SVIL: variants seen among roughly 807,000 people sequenced by gnomAD.
SVIL encodes the protein supervillin, also known as archvillin.
Under a neutral mutation model 240.4 loss-of-function variants are expected in SVIL, and 101 were observed. That is an observed-to-expected ratio of 0.42 (90% confidence interval 0.36 to 0.50). The LOEUF (loss-of-function observed/expected upper bound fraction) is 0.50, where lower values mean the gene tolerates loss of function less well. Ranked by LOEUF, SVIL falls within the 20% of genes least tolerant of loss-of-function variation. The pLI, the probability that SVIL is intolerant of heterozygous loss-of-function variation, is 0.01. For missense variants in SVIL, 2,512 were observed against 2,818.7 expected, an observed-to-expected ratio of 0.89 and a Z score of 2.46; for synonymous variants, 999 against 1,100.0, an observed-to-expected ratio of 0.91 and a Z score of 1.82.
intron 2 of SVIL, among the ~76,000 whole-genome samples, chr10:29,680,538 T>C (rs1960555208): frequency 6.6e-6 from 1 of 152,216 alleles, no homozygotes; most frequent in Non-Finnish European, 1.5e-5. Flanking sequence ...ATCTTGCACT[T>C]TAGCCTCAGG....
Position 29,471,144 on chromosome 10 carries a change from C to A in SVIL, c.5629G>T (p.Val1877Leu). The change falls in exon 31 of 38, where the codon GTG becomes TTG. Residue 1877 changes from valine to leucine, a missense_variant. By Grantham distance (32) the Val-to-Leu change is conservative. Around this residue, in one of 3 missense-constraint regions of SVIL, gnomAD observed 797 missense variants for 925.3 expected, o/e 0.86. Transcript: ENST00000355867. ...AGCAGTAAAAGTGACTTACTTTGCA[C>A]ATTTTCTTCTTCCTCTTCCCGCCTC... ...SGRREEEEEN[V>L]QSEWRLYCVR... The A allele has an allele frequency of 6.2e-7, 1 of 1,613,262 alleles. No individual in the cohort carries two copies. Among genetic ancestry groups the A allele is most frequent in the Non-Finnish European group, 8.5e-7 (1 of 1,179,678 alleles).
chr10:29,607,006 C>T (rs2368367), intron 1 of SVIL, among the ~76,000 whole-genome samples: 64,891 of 152,004 alleles, frequency 0.43, 14,759 homozygotes, highest in East Asian at 0.68. Flanking sequence ...CCATCCACTT[C>T]GACCTCCCAA....
At position 29,515,231 on chromosome 10, in the gene SVIL, G is replaced by A. The variant is rs529540066; in HGVS notation, c.3390-2370C>T. 5.3e-5 allele frequency among the ~76,000 whole-genome samples: 8 copies of A among 152,218 alleles called. No homozygotes were observed. The East Asian group carries it at 5.8e-4, about 11-fold the overall frequency. ...TTTAGTCCTAACTCCTGTAATTCTC[G>A]AATGTTTAACAACACCCTGCATGCT... On this transcript the variant is annotated intron_variant, in intron 16 of 37. Transcript: ENST00000355867.
intron 3 of SVIL, among the ~76,000 whole-genome samples, chr10:29,652,092 A>T (rs1366824796): frequency 6.6e-6 from 1 of 152,184 alleles, no homozygotes; most frequent in Non-Finnish European, 1.5e-5. Flanking sequence ...TGTAAAATGT[A>T]TCATTCAATG....
At chr10:29,599,237 T>A (rs945289137) in intron 1 of SVIL, among the ~76,000 whole-genome samples, 7 of 152,194 alleles carry the variant, frequency 4.6e-5, no homozygotes, top group Non-Finnish European at 7.3e-5. Flanking sequence ...AACCTCAGCC[T>A]GACACGCAGG....
At chr10:29,463,723 C>G (rs1022145299) in intron 34 of SVIL, 88 bp from the exon 35 acceptor site, 13 of 1,531,806 alleles carry the variant, frequency 8.5e-6, no homozygotes, top group Non-Finnish European at 1.1e-5. Context: ...TGGATGTTGT[C>G]CCTCTTGACT....
chr10:29,549,550 C>A (rs1244169680), intron 6 of SVIL, among the ~76,000 whole-genome samples: 1 of 146,342 alleles, frequency 6.8e-6, no homozygotes, highest in Admixed American at 6.9e-5. Context: ...ATAAATCATT[C>A]TGCTATAAAG....
intron 29 of SVIL, among the ~76,000 whole-genome samples, chr10:29,474,594 CAAATAAATAAATAAATAAATAAAT>C (rs59193522): frequency 1.6e-4 from 23 of 140,130 alleles, no homozygotes; most frequent in South Asian, 4.9e-4. Context: ...GACTCTCTTA[CAAATAAATAAATAAATAAATAAAT>C]AAATAAATAA....
At chr10:29,509,330 G>GGAGAGAGGGAGAGAGAGAGAGAGAGAGA (rs1949622494) in intron 17 of SVIL, among the ~76,000 whole-genome samples, 1 of 66,880 alleles carries the variant, frequency 1.5e-5, no homozygotes, top group Non-Finnish European at 3.1e-5. Flanking sequence ...GGAGGGGGAG[G>GGAGAGAGGGAGAGAGAGAGAGAGAGAGA]GAGAGAGAGA....
At chr10:29,594,738 G>A (rs2132815174) in intron 1 of SVIL, among the ~76,000 whole-genome samples, 1 of 152,108 alleles carries the variant, frequency 6.6e-6, no homozygotes, top group Admixed American at 6.5e-5. Flanking sequence ...TGTATTTTTA[G>A]TAGAGACAGG....
chr10:29,491,122 A>G (rs1321090580), intron 21 of SVIL, 103 bp from the exon 22 acceptor site: 28 of 1,327,052 alleles, frequency 2.1e-5, no homozygotes, highest in Non-Finnish European at 2.3e-5. Context: ...TTTGTTACAA[A>G]TCTTGCAACT....
intron 3 of SVIL, among the ~76,000 whole-genome samples, chr10:29,640,854 C>T (rs116922888): frequency 0.016 from 2,399 of 152,258 alleles, 29 homozygotes; most frequent in Non-Finnish European, 0.025. Flanking sequence ...CCATCCTCTC[C>T]GCCACTTCCA....
At chr10:29,724,656 A>C (rs1964185935) in intron 1 of SVIL, among the ~76,000 whole-genome samples, 1 of 152,174 alleles carries the variant, frequency 6.6e-6, no homozygotes, top group Admixed American at 6.5e-5. Context: ...GGTTGAAGTA[A>C]GCTGTCTCTT....
In SVIL at chr10:29,523,599, G is replaced by T. The variant is rs1295706548; in HGVS notation, c.3015C>A (p.Asn1005Lys). 1 of 1,614,160 alleles carries T rather than the reference G, an allele frequency of 6.2e-7. No homozygotes were observed. Among genetic ancestry groups the T allele is most frequent in the Non-Finnish European group, 8.5e-7 (1 of 1,180,036 alleles). ...VPRRGSLERANPPITHLGDEP... is the reference protein window; with the variant it reads ...VPRRGSLERAKPPITHLGDEP... Reference sequence around the variant, plus strand: ...CATCCCCGAGGTGGGTGATGGGAGGGTTCGCCCGTTCCAGGCTTCCTCTTC... The same window carrying T: ...CATCCCCGAGGTGGGTGATGGGAGGTTTCGCCCGTTCCAGGCTTCCTCTTC... The change falls in exon 15 of 38, where the codon AAC becomes AAA. Residue 1005 changes from asparagine to lysine, a missense_variant. Asn to Lys is a moderately conservative substitution (Grantham distance 94). Coordinates refer to ENST00000355867, the MANE Select transcript of SVIL (RefSeq NM_021738.3).
chr10:29,586,004 T>C (rs1397436819), intron 1 of SVIL, among the ~76,000 whole-genome samples: 2 of 152,234 alleles, frequency 1.3e-5, no homozygotes, highest in African/African-American at 4.8e-5. Context: ...ACCTGAGGCA[T>C]CTGAACGAGC....
chr10:29,579,123 C>T (rs1955826142), intron 1 of SVIL, among the ~76,000 whole-genome samples: 1 of 152,198 alleles, frequency 6.6e-6, no homozygotes, highest in Non-Finnish European at 1.5e-5. Flanking sequence ...AACAGGATTT[C>T]TGAGCTAGGC....
chr10:29,599,145 A>C (rs1211723021), intron 1 of SVIL, among the ~76,000 whole-genome samples: 1 of 152,186 alleles, frequency 6.6e-6, no homozygotes, highest in Admixed American at 6.5e-5. Flanking sequence ...CTGATCTGGC[A>C]AAGAAAAAAA....
intron 1 of SVIL, among the ~76,000 whole-genome samples, chr10:29,701,167 A>C (rs1962485921): frequency 6.6e-6 from 1 of 152,180 alleles, no homozygotes; most frequent in Non-Finnish European, 1.5e-5. Flanking sequence ...TCACTGCAAA[A>C]ATAGACCATG....
chr10:29,486,582 C>T (rs201212867), intron 24 of SVIL, 25 bp from the exon 25 acceptor site: 4 of 1,613,838 alleles, frequency 2.5e-6, no homozygotes, highest in Non-Finnish European at 3.4e-6. Flanking sequence ...AACACAATTG[C>T]CTGGGTAGAA....
Sources: gnomAD v4.1 joint callset for allele counts (sites outside exome capture counted in the v4.1 genomes callset) on GRCh38, gnomAD v4.1.1 for gene constraint, gnomAD v4.1.1 regional missense constraint, MANE v1.5 for transcripts, NCBI Gene and HGNC (gene_info 2026-07-23, HGNC 2026-07-21) for gene names.